BTBD7: variants seen among roughly 807,000 people sequenced by gnomAD.
BTBD7 encodes the protein BTB/POZ domain-containing protein 7.
In BTBD7, 38 loss-of-function variants were observed where a neutral mutation model predicts 99.9. The observed-to-expected ratio is 0.38, with a 90% CI of 0.29 to 0.50. The LOEUF is 0.50. BTBD7 is among the 20% of genes least tolerant of loss of function. BTBD7 has a pLI of 0.93. For missense variants in BTBD7, 1,170 were observed against 1,394.6 expected (o/e 0.84, Z 2.57); for synonymous variants, 520 against 511.4 (o/e 1.02, Z -0.23).
intron 1 of BTBD7, among the ~76,000 whole-genome samples, chr14:93,317,275 G>T (rs2053218607): frequency 6.6e-6 from 1 of 152,080 alleles, no homozygotes. Flanking sequence ...AAAGTGCTGG[G>T]ATTATAGGCG....
intron 10 of BTBD7, 47 bp from the exon 11 acceptor site, chr14:93,243,135 T>A: frequency 2.0e-6 from 3 of 1,485,684 alleles, no homozygotes; most frequent in Non-Finnish European, 2.8e-6. Flanking sequence ...AAAGGACCCA[T>A]CCTCTGTAGA....
rs749205895 is a variant in BTBD7, at chr14:93,242,503, G to A, written c.3169C>T (p.Arg1057Ter). 1.2e-6 allele frequency: 2 copies of A among 1,614,202 alleles called. No individual in the cohort carries two copies. The highest frequency in any genetic ancestry group is 1.1e-5 in the South Asian group (1 of 91,086). The change falls in exon 11 of 11, where the codon CGA becomes TGA. Residue 1057 changes from arginine (R) to a stop codon, truncating the protein, a stop_gained. Coordinates refer to ENST00000334746, the MANE Select transcript of BTBD7 (RefSeq NM_001002860.4). LOFTEE classifies it high-confidence loss of function. Reference protein sequence around the residue: ...ASTGPAHVRGRTAVETDLTFG... With the variant: ...ASTGPAHVRG ...GTCAAGTCAGTTTCTACTGCAGTTC[G>A]TCCCCTGACATGGGCTGGACCGGTA...
At chr14:93,285,402 A>T (rs1270653951) in intron 3 of BTBD7, among the ~76,000 whole-genome samples, 1 of 152,210 alleles carries the variant, frequency 6.6e-6, no homozygotes. Flanking sequence ...TGCATTACAG[A>T]GTCCATTTTG....
intron 3 of BTBD7, among the ~76,000 whole-genome samples, chr14:93,292,240 A>G (rs1208224964): frequency 1.3e-5 from 2 of 152,192 alleles, no homozygotes; most frequent in Admixed American, 6.5e-5. Context: ...TACAAAGTCT[A>G]TATAATTTGG....
At chr14:93,297,977 T>G (rs1252442896) in intron 1 of BTBD7, among the ~76,000 whole-genome samples, 1 of 152,232 alleles carries the variant, frequency 6.6e-6, no homozygotes, top group East Asian at 1.9e-4. Flanking sequence ...GAAGTGTTTC[T>G]AAAGGTAAGA....
intron 3 of BTBD7, among the ~76,000 whole-genome samples, chr14:93,285,766 A>C (rs577558074): frequency 1.6e-4 from 24 of 152,348 alleles, no homozygotes; most frequent in Non-Finnish European, 2.8e-4. Context: ...AGACTCTTCC[A>C]ATCTAGTCAT....
chr14:93,269,863 T>C (rs1237173423), intron 3 of BTBD7, among the ~76,000 whole-genome samples: 1 of 152,124 alleles, frequency 6.6e-6, no homozygotes, highest in Non-Finnish European at 1.5e-5. Flanking sequence ...GACTAGCTTA[T>C]TGGTCCCAGG....
intron 3 of BTBD7, among the ~76,000 whole-genome samples, chr14:93,292,787 G>C (rs1252558581): frequency 3.3e-5 from 5 of 152,126 alleles, no homozygotes; most frequent in South Asian, 2.1e-4. Flanking sequence ...CTCCCAAGTA[G>C]ATAGAACTAC....
chr14:93,248,550 T>C lies in BTBD7; in HGVS notation c.2047A>G (p.Thr683Ala). ...CGAATCTGAATTTCATAGCTGACAG[T>C]GGCGCCTTCCCCGCAGTTCAGGGCA... is the stretch of plus-strand genomic sequence containing the variant. ...AYALNCGEGATVSYEIQIRVL... is the reference protein window; with the variant it reads ...AYALNCGEGAAVSYEIQIRVL... The change falls in exon 9 of 11, where the codon ACT becomes GCT. Residue 683 changes from threonine (T) to alanine (A), a missense_variant. Transcript: ENST00000334746. The C allele has an allele frequency of 6.2e-7, 1 of 1,614,208 alleles. No homozygotes were observed. The highest frequency in any genetic ancestry group is 8.5e-7 in the Non-Finnish European group (1 of 1,180,048).
chr14:93,291,628 G>C (rs1042724895), intron 3 of BTBD7, among the ~76,000 whole-genome samples: 3 of 150,556 alleles, frequency 2.0e-5, no homozygotes, highest in African/African-American at 7.5e-5. Context: ...TCTATTTTGA[G>C]TAACAAAGGG....
chr14:93,290,559 C>T (rs2052838487), intron 3 of BTBD7, among the ~76,000 whole-genome samples: 1 of 147,686 alleles, frequency 6.8e-6, no homozygotes, highest in Admixed American at 6.8e-5. Flanking sequence ...ACTCTATCAC[C>T]CGGGCTGGAG....
rs577435856 is a variant in BTBD7 at position 93,279,340 on chromosome 14, C to T, written c.1162+14518G>A. Among the ~76,000 whole-genome samples, 10 of 152,284 alleles carry T rather than the reference C, an allele frequency of 6.6e-5. No homozygotes were observed. The East Asian group carries it at 1.7e-3, about 26-fold the overall frequency. ...TTTATCTCTAGGCCAGTTCCTGCTG[C>T]CTGATATGCTCGCTTTTACCTCCAA... is the stretch of plus-strand genomic sequence containing the variant. On this transcript the variant is annotated intron_variant, in intron 3 of 10. Transcript: ENST00000334746.
Position 93,238,248 on chromosome 14 carries a change from T to A in BTBD7, c.*4025A>T, listed in dbSNP as rs2052182452. 6.6e-6 allele frequency: 1 copy of A among 152,378 alleles called. No homozygotes were observed. The allele number at this position is 152,378 out of a possible 1,614,324, so 9.4% of individuals were successfully genotyped here. On this transcript the variant is annotated 3_prime_UTR_variant, in exon 11 of 11. Transcript: ENST00000334746. ...ATGGAAGATTGACAGTCTGAGGATT[T>A]TCTAGAGGAAAAAAAAATCAAAGGA...
chr14:93,282,029 A>G (rs897838319), intron 3 of BTBD7, among the ~76,000 whole-genome samples: 1 of 152,210 alleles, frequency 6.6e-6, no homozygotes, highest in Non-Finnish European at 1.5e-5. Context: ...CTTGTTTTGA[A>G]GTTCATCTTT....
In BTBD7 at chr14:93,328,945, A is replaced by G. The variant is rs550637079; in HGVS notation, c.-107+3875T>C. ...TTAAAAAAGAAAGAAAACATAGGGG[A>G]AAAGCTTCCTGACACTGGATTTAAT... On this transcript the variant is annotated intron_variant, in intron 1 of 10. Transcript: ENST00000334746. 2.1e-3 allele frequency among the ~76,000 whole-genome samples: 327 copies of G among 152,320 alleles called. 1 individual carries two copies. The highest frequency in any genetic ancestry group is 7.5e-3 in the African/African-American group (313 of 41,558).
intron 5 of BTBD7, among the ~76,000 whole-genome samples, chr14:93,261,234 T>C (rs1372750990): frequency 6.6e-6 from 1 of 152,244 alleles, no homozygotes; most frequent in African/African-American, 2.4e-5. Flanking sequence ...ATACTTGTAT[T>C]GTTGTGCAAC....
rs775205083 is a variant in BTBD7 at position 93,296,093 on chromosome 14, A to G, written c.-42T>C. ...GGCATTCCGTCTGCGGGTTCTTCAGAGTATAATCCCAGAGGCCTTTATGAA... is the reference window on the plus strand; with the variant it reads ...GGCATTCCGTCTGCGGGTTCTTCAGGGTATAATCCCAGAGGCCTTTATGAA... On this transcript the variant is annotated 5_prime_UTR_variant, in exon 2 of 11. Transcript: ENST00000334746. 1.0e-5 allele frequency: 16 copies of G among 1,605,726 alleles called. No individual in the cohort carries two copies. The Admixed American group carries it at 1.9e-4, about 19-fold the overall frequency.
chr14:93,286,683 G>A (rs2052781702), intron 3 of BTBD7, among the ~76,000 whole-genome samples: 1 of 152,186 alleles, frequency 6.6e-6, no homozygotes, highest in Non-Finnish European at 1.5e-5. Context: ...AGAGTCAGAA[G>A]AGCTGGTATG....
At chr14:93,252,659 G>A (rs906894784) in intron 7 of BTBD7, among the ~76,000 whole-genome samples, 7 of 151,968 alleles carry the variant, frequency 4.6e-5, no homozygotes, top group African/African-American at 1.7e-4. Context: ...ACAGGTGTAA[G>A]CCACCATGCC....
Sources: allele counts gnomAD v4.1 joint callset (sites outside exome capture counted in the v4.1 genomes callset), GRCh38; gene constraint gnomAD v4.1.1; transcripts MANE v1.5; gene names NCBI Gene and HGNC (gene_info 2026-07-23, HGNC 2026-07-21).